The following GALNT16 variants were observed in gnomAD, a reference collection of about 807,000 sequenced individuals.
GALNT16 encodes the protein UDP-GalNAc:polypeptide N-acetylgalactosaminyltransferase-like protein 1.
Under a neutral mutation model 76.1 loss-of-function variants are expected in GALNT16, and 40 were observed. That is an observed-to-expected ratio of 0.53 (90% CI 0.41 to 0.68). The LOEUF (loss-of-function observed/expected upper bound fraction) is 0.68. Ranked by LOEUF, GALNT16 falls within the 30% of genes least tolerant of loss-of-function variation. The probability of loss-of-function intolerance (pLI) is 0.00; values close to 1 mark genes in which losing one functional copy is unlikely to be tolerated. For synonymous variants in GALNT16, 276 were observed against 285.2 expected, an observed-to-expected ratio of 0.97 and a Z score of 0.32; for missense variants, 621 against 731.9, an observed-to-expected ratio of 0.85 and a Z score of 1.75.
At chr14:69,340,486 A>AT (rs71102646) in intron 11 of GALNT16, among the ~76,000 whole-genome samples, 4,405 of 146,804 alleles carry the variant, frequency 0.03, 89 homozygotes, top group South Asian at 0.064. Flanking sequence ...ACCTTGTGGA[A>AT]TTTTTTTTTT....
chr14:69,261,391 C>T lies in GALNT16; in HGVS notation c.177+924C>T, dbSNP rs2044269752. On this transcript the variant is annotated intron_variant, in intron 1 of 14. Transcript: ENST00000448469. The surrounding 1 kb of genome is among the most constrained non-coding windows in gnomAD (Gnocchi z 6.4). ...TTGAGGCGGGAGGCTTTGGCACCCG[C>T]CGAGAGTGCGCTCGAGCGGGCGCAT... 6.6e-6 allele frequency among the ~76,000 whole-genome samples: 1 copy of T among 152,092 alleles called. No homozygotes were observed. The highest frequency in any genetic ancestry group is 1.9e-4 in the East Asian group (1 of 5,162).
Position 69,339,539 on chromosome 14 carries a change from C to T in GALNT16, c.1107C>T (p.Arg369=), listed in dbSNP as rs748252304. 1.9e-6 allele frequency: 3 copies of T among 1,607,884 alleles called. No homozygotes were observed. Among genetic ancestry groups the T allele is most frequent in the African/African-American group, 2.7e-5 (2 of 74,810 alleles). Residue 369 remains arginine, a synonymous_variant, in exon 11 of 15, where the codon CGC becomes CGT. Coordinates refer to ENST00000448469, the MANE Select transcript of GALNT16 (RefSeq NM_001168368.2). ...NALTYIRNTK[R]TAEVWMDEYK... is the part of the protein sequence containing the mutation. ...CCTCTCCTTTTAGGAATACTAAGCGCACTGCAGAAGTGTGGATGGATGAAT... is the reference window on the plus strand; with the variant it reads ...CCTCTCCTTTTAGGAATACTAAGCGTACTGCAGAAGTGTGGATGGATGAAT...
downstream of GALNT16, chr14:69,355,102 A>G (rs1014275018): frequency 6.6e-6 from 1 of 152,258 alleles, no homozygotes; most frequent in Non-Finnish European, 1.5e-5. Flanking sequence ...ACCCAGGTAA[A>G]AATAAACGCT....
the GALNT16 span, among the ~76,000 whole-genome samples, chr14:69,381,161 G>C: frequency 6.6e-6 from 1 of 152,124 alleles, no homozygotes; most frequent in African/African-American, 2.4e-5. Flanking sequence ...CACGCCTGTA[G>C]TCCTGCCTAC....
At chr14:69,322,924 GGGTGTGTGTGTGTGTGTGT>G (rs1212143992) in intron 2 of GALNT16, among the ~76,000 whole-genome samples, 109 of 104,708 alleles carry the variant, frequency 1.0e-3, no homozygotes, top group African/African-American at 3.9e-3. Context: ...GTGGCTCACG[GGGTGTGTGTGTGTGTGTGT>G]GTGTGTGTGT....
the GALNT16 span, among the ~76,000 whole-genome samples, chr14:69,372,245 C>T: frequency 1.3e-5 from 2 of 151,982 alleles, no homozygotes; most frequent in South Asian, 2.1e-4. Context: ...GGAGGTGAGG[C>T]GGTTGTCCTT....
At chr14:69,288,759 A>G (rs1266446071) in intron 1 of GALNT16, among the ~76,000 whole-genome samples, 1 of 152,232 alleles carries the variant, frequency 6.6e-6, no homozygotes, top group Non-Finnish European at 1.5e-5. Context: ...CAGAAACTTC[A>G]AAACTCAATA....
chr14:69,282,650 CTATTTATTTATT>C (rs34689381), intron 1 of GALNT16, among the ~76,000 whole-genome samples: 23,761 of 147,248 alleles, frequency 0.16, 2,097 homozygotes, highest in African/African-American at 0.21. Context: ...AGAATTTGTC[CTATTTATTTATT>C]TATTTATTTA....
intron 1 of GALNT16, among the ~76,000 whole-genome samples, chr14:69,290,070 T>C (rs2044670449): frequency 6.6e-6 from 1 of 152,182 alleles, no homozygotes; most frequent in South Asian, 2.1e-4. Context: ...ATGAATTTCA[T>C]ATGAACATAT....
At chr14:69,295,414 C>CAA (rs34081669) in intron 1 of GALNT16, among the ~76,000 whole-genome samples, 7,229 of 101,634 alleles carry the variant, frequency 0.071, 477 homozygotes, top group East Asian at 0.31. Context: ...GACTCTGTCT[C>CAA]AAAAAAAAAA....
intron 11 of GALNT16, among the ~76,000 whole-genome samples, chr14:69,340,001 C>G (rs2045466439): frequency 6.6e-6 from 1 of 152,164 alleles, no homozygotes; most frequent in Non-Finnish European, 1.5e-5. Context: ...ACTGTTAGGA[C>G]TATGGTCTAG....
chr14:69,277,751 G>T (rs1198732575), intron 1 of GALNT16, among the ~76,000 whole-genome samples: 2 of 152,212 alleles, frequency 1.3e-5, no homozygotes, highest in African/African-American at 4.8e-5. Context: ...TAATGGGATG[G>T]CTGGGTCAAA....
At chr14:69,322,985 C>CGCGT (rs2045223209) in intron 2 of GALNT16, among the ~76,000 whole-genome samples, 1 of 24,992 alleles carries the variant, frequency 4.0e-5, no homozygotes, top group African/African-American at 3.4e-4. Flanking sequence ...TGTGTGTGCG[C>CGCGT]GCGCACGCGC....
In GALNT16 at chr14:69,278,954, A is replaced by T. The variant is rs2044506837; in HGVS notation, c.177+18487A>T. Among the ~76,000 whole-genome samples, 6 of 150,870 alleles carry T rather than the reference A, an allele frequency of 4.0e-5. No individual in the cohort carries two copies. The South Asian group carries it at 1.0e-3, about 26-fold the overall frequency. On this transcript the variant is annotated intron_variant, in intron 1 of 14. Transcript: ENST00000448469. The stretch of plus-strand genomic sequence containing the variant: ...TTAATTTTTTTTTTTTTTTTGAGAC[A>T]AAGTCTCACTCTTGTCGCCGAGGCT...
At chr14:69,334,913 C>T (rs897951439) in intron 9 of GALNT16, among the ~76,000 whole-genome samples, 2 of 152,068 alleles carry the variant, frequency 1.3e-5, no homozygotes, top group African/African-American at 4.8e-5. Flanking sequence ...TGTTCTTGCC[C>T]TCTTGGTGGG....
At chr14:69,340,256 G>A (rs957515485) in intron 11 of GALNT16, among the ~76,000 whole-genome samples, 1 of 152,106 alleles carries the variant, frequency 6.6e-6, no homozygotes, top group African/African-American at 2.4e-5. Flanking sequence ...ATCTGCAGGG[G>A]ATTTGTTCCA....
chr14:69,265,315 A>G (rs1003424289), intron 1 of GALNT16, among the ~76,000 whole-genome samples: 1 of 152,140 alleles, frequency 6.6e-6, no homozygotes, highest in African/African-American at 2.4e-5. Flanking sequence ...GGTGCTGCTC[A>G]TGCTTCTGCA....
intron 1 of GALNT16, among the ~76,000 whole-genome samples, chr14:69,267,422 C>T (rs2044354889): frequency 6.6e-6 from 1 of 152,234 alleles, no homozygotes; most frequent in African/African-American, 2.4e-5. Flanking sequence ...CAGGTATAGC[C>T]TTTCCACTTT....
At chr14:69,320,670 C>T (rs1269852921) in intron 1 of GALNT16, 41 bp from the exon 2 acceptor site, 1 of 1,589,684 alleles carries the variant, frequency 6.3e-7, no homozygotes, top group Non-Finnish European at 8.6e-7. Flanking sequence ...CAGTGGGGTC[C>T]TCCTGCCTGT....
Sources: allele counts gnomAD v4.1 joint callset (sites outside exome capture counted in the v4.1 genomes callset), GRCh38; gene constraint gnomAD v4.1.1; non-coding constraint Gnocchi (gnomAD v3.1); transcripts MANE v1.5; gene names NCBI Gene and HGNC (gene_info 2026-07-23, HGNC 2026-07-21).